CHST8: variants seen among roughly 807,000 people sequenced by gnomAD.
CHST8 encodes the protein GALNAC-4-ST1.
A neutral mutation model predicts 15.0 loss-of-function variants in CHST8; 10 were observed. The ratio of observed to expected loss-of-function variants is 0.67; its 90% CI spans 0.41 to 1.13. The LOEUF is 1.13. Among genes scored for constraint, CHST8 ranks in the 50% most tolerant of loss-of-function variants. CHST8 has a pLI of 0.00. For synonymous variants in CHST8, 259 were observed against 256.6 expected (o/e 1.01, Z -0.09); for missense variants, 634 against 608.2 (o/e 1.04, Z -0.45).
chr19:33,743,867 C>T (rs542441851), intron 3 of CHST8, among the ~76,000 whole-genome samples: 1 of 151,280 alleles, frequency 6.6e-6, no homozygotes, highest in Admixed American at 6.6e-5. Flanking sequence ...TCTCGGTTCA[C>T]TGCAACCTCT....
chr19:33,708,697 G>T (rs1332049368), intron 3 of CHST8, among the ~76,000 whole-genome samples: 1 of 152,032 alleles, frequency 6.6e-6, no homozygotes, highest in Admixed American at 6.6e-5. Context: ...AACCATTTTG[G>T]GTATTCTGAG....
chr19:33,769,718 C>G (rs80217831), intron 3 of CHST8, among the ~76,000 whole-genome samples: 1 of 152,004 alleles, frequency 6.6e-6, no homozygotes, highest in Non-Finnish European at 1.5e-5. Context: ...TTACACCCCA[C>G]ACCCTGAAGG....
At chr19:33,655,409 T>C (rs1051855936) in intron 1 of CHST8, among the ~76,000 whole-genome samples, 12 of 152,208 alleles carry the variant, frequency 7.9e-5, no homozygotes, top group Non-Finnish European at 1.6e-4. Context: ...TTTATTTTTG[T>C]TTCATCTTTG....
chr19:33,657,184 CACAT>C (rs1355244370), intron 1 of CHST8, among the ~76,000 whole-genome samples: 1 of 151,230 alleles, frequency 6.6e-6, no homozygotes, highest in Non-Finnish European at 1.5e-5. Context: ...TACACACATA[CACAT>C]ACACACATAC....
intron 2 of CHST8, among the ~76,000 whole-genome samples, chr19:33,681,223 T>G (rs1972883856): frequency 6.6e-6 from 1 of 152,146 alleles, no homozygotes; most frequent in Non-Finnish European, 1.5e-5. Context: ...AGAGGAATGG[T>G]CCCCTAGGTC....
chr19:33,669,281 G>A (rs1180505310), intron 2 of CHST8, among the ~76,000 whole-genome samples: 4 of 152,168 alleles, frequency 2.6e-5, no homozygotes, highest in Admixed American at 2.6e-4. Flanking sequence ...AACCAAACAT[G>A]AACATTAGGA....
At chr19:33,644,800 G>C (rs1360628687) in intron 1 of CHST8, among the ~76,000 whole-genome samples, 2 of 152,148 alleles carry the variant, frequency 1.3e-5, no homozygotes, top group African/African-American at 4.8e-5. Context: ...GCTTTAAAAA[G>C]CCAAGTAGGC....
chr19:33,696,690 G>A (rs767889082), intron 3 of CHST8, among the ~76,000 whole-genome samples: 3 of 151,848 alleles, frequency 2.0e-5, no homozygotes, highest in South Asian at 2.1e-4. Context: ...TGTCTTCCAC[G>A]AAACTGGTTC....
chr19:33,771,353 T>C, intron 3 of CHST8, 60 bp from the exon 4 acceptor site: 2 of 1,552,726 alleles, frequency 1.3e-6, no homozygotes, highest in Non-Finnish European at 1.8e-6. Context: ...CCATAAGCAG[T>C]TCCCTGGGAG....
chr19:33,662,641 C>G (rs1972602468), intron 1 of CHST8, among the ~76,000 whole-genome samples: 1 of 151,992 alleles, frequency 6.6e-6, no homozygotes, highest in Non-Finnish European at 1.5e-5. Context: ...GTTCCTGGAA[C>G]AAACGGATGA....
At chr19:33,628,787 G>A (rs954835090) in intron 1 of CHST8, among the ~76,000 whole-genome samples, 1 of 152,176 alleles carries the variant, frequency 6.6e-6, no homozygotes, top group Non-Finnish European at 1.5e-5. Flanking sequence ...GTCTAAACTG[G>A]TACCTGGCTG....
chr19:33,757,528 G>GAAAGAGAAA (rs1974613571), intron 3 of CHST8, among the ~76,000 whole-genome samples: 1 of 30,842 alleles, frequency 3.2e-5, no homozygotes. Context: ...GAAAGAGAAA[G>GAAAGAGAAA]AAAGAAAGAA....
chr19:33,745,191 T>C (rs4805935), intron 3 of CHST8, among the ~76,000 whole-genome samples: 3,208 of 152,332 alleles, frequency 0.021, 55 homozygotes, highest in Non-Finnish European at 0.027. Flanking sequence ...CCTCTGCTAC[T>C]CTTAAGTCTT....
At chr19:33,624,019 C>T (rs111334956) in intron 1 of CHST8, among the ~76,000 whole-genome samples, 1 of 152,188 alleles carries the variant, frequency 6.6e-6, no homozygotes, top group East Asian at 1.9e-4. Flanking sequence ...ACCTCAAAGC[C>T]GGAACCTGAC....
intron 1 of CHST8, among the ~76,000 whole-genome samples, chr19:33,658,318 T>C (rs576617097): frequency 1.1e-3 from 168 of 152,328 alleles, no homozygotes; most frequent in African/African-American, 4.0e-3. Context: ...CCAGCCTGGG[T>C]GACAGAGTGA....
Position 33,773,104 on chromosome 19 carries a change from TC to T in CHST8, c.*42del. The T allele has an allele frequency of 1.3e-6, 2 of 1,536,982 alleles. No individual in the cohort carries two copies. Among genetic ancestry groups the T allele is most frequent in the South Asian group, 2.5e-5 (2 of 81,446 alleles). On this transcript the variant is annotated 3_prime_UTR_variant, in exon 5 of 5. Transcript: ENST00000650847. ...GCCGGGGCCGCCCTGCCCCGGTCAC[TC>T]ACCTGTGCTCCCGGGCATCCTCCTG...
chr19:33,669,107 G>T (rs1258552556), intron 2 of CHST8, among the ~76,000 whole-genome samples: 1 of 152,188 alleles, frequency 6.6e-6, no homozygotes, highest in African/African-American at 2.4e-5. Flanking sequence ...ACAGGCACCA[G>T]TGCACTGTGC....
At chr19:33,701,624 T>C (rs188192917) in intron 3 of CHST8, among the ~76,000 whole-genome samples, 27 of 152,192 alleles carry the variant, frequency 1.8e-4, no homozygotes, top group Admixed American at 1.1e-3. Flanking sequence ...AGAGGAGATC[T>C]AATGAAGTCA....
intron 3 of CHST8, among the ~76,000 whole-genome samples, chr19:33,706,430 C>T (rs1314609251): frequency 2.0e-5 from 3 of 152,166 alleles, no homozygotes; most frequent in Non-Finnish European, 4.4e-5. Flanking sequence ...ACTATACACC[C>T]ATGGGTGGAC....
Sources: allele counts gnomAD v4.1 joint callset (sites outside exome capture counted in the v4.1 genomes callset), GRCh38; gene constraint gnomAD v4.1.1; transcripts MANE v1.5; gene names NCBI Gene and HGNC (gene_info 2026-07-23, HGNC 2026-07-21).